SYNPO2: variants seen among roughly 807,000 people sequenced by gnomAD.
The protein encoded by SYNPO2 is synaptopodin 2.
In SYNPO2, 56 loss-of-function variants were observed where a neutral mutation model predicts 85.0. That is an observed-to-expected ratio of 0.66 (90% confidence interval 0.53 to 0.82). The LOEUF (loss-of-function observed/expected upper bound fraction) is 0.82. SYNPO2 is among the 40% of genes least tolerant of loss of function. SYNPO2 has a pLI of 0.00. For synonymous variants in SYNPO2, 602 were observed against 591.1 expected (o/e 1.02, Z -0.27); for missense variants, 1,575 against 1,534.2 (o/e 1.03, Z -0.44).
chr4:118,952,871 C>T (rs948891267), intron 1 of SYNPO2, among the ~76,000 whole-genome samples: 7 of 152,116 alleles, frequency 4.6e-5, no homozygotes, highest in South Asian at 4.2e-4. Context: ...ATAACAACCT[C>T]GGAAGGAATT....
chr4:118,946,581 G>A (rs572017008), intron 1 of SYNPO2, among the ~76,000 whole-genome samples: 1 of 152,134 alleles, frequency 6.6e-6, no homozygotes. Flanking sequence ...CACATCGTTC[G>A]CTCGTTCTCT....
chr4:119,036,746 A>T (rs1738527367), intron 4 of SYNPO2: 4 of 988,638 alleles, frequency 4.0e-6, no homozygotes, highest in Non-Finnish European at 4.8e-6. Context: ...TAATTTTTTT[A>T]AAAACTGTAT....
intron 4 of SYNPO2, chr4:119,033,775 G>A (rs1738381472): frequency 1.0e-6 from 1 of 984,528 alleles, no homozygotes; most frequent in African/African-American, 1.7e-5. Context: ...CCTTGTATGA[G>A]CTATTCTGAT....
At chr4:118,956,343 GA>G (rs950935311) in intron 1 of SYNPO2, among the ~76,000 whole-genome samples, 16 of 152,190 alleles carry the variant, frequency 1.1e-4, no homozygotes, top group Non-Finnish European at 1.8e-4. Flanking sequence ...GGGTATTAAT[GA>G]AGGAAATGGT....
intron 1 of SYNPO2, among the ~76,000 whole-genome samples, chr4:118,967,963 A>G (rs1735380251): frequency 6.6e-6 from 1 of 152,240 alleles, no homozygotes; most frequent in Non-Finnish European, 1.5e-5. Flanking sequence ...ATTCTATAAA[A>G]TGTCTAACTA....
At chr4:118,894,804 G>A (rs1304919878) in intron 1 of SYNPO2, among the ~76,000 whole-genome samples, 2 of 150,238 alleles carry the variant, frequency 1.3e-5, no homozygotes, top group Admixed American at 1.3e-4. Context: ...ATAGCAAAAA[G>A]CATCCCAGGT....
chr4:119,043,277 T>C, intron 4 of SYNPO2: 1 of 152,190 alleles, frequency 6.6e-6, no homozygotes, highest in Non-Finnish European at 1.5e-5. Context: ...TGTGTATTGA[T>C]GAGGGCCTAT....
intron 4 of SYNPO2, among the ~76,000 whole-genome samples, chr4:119,047,765 G>T (rs2149199194): frequency 6.6e-6 from 1 of 152,280 alleles, no homozygotes; most frequent in Non-Finnish European, 1.5e-5. Context: ...ATTTTTTCCA[G>T]TGTTGAACTG....
At chr4:118,904,619 T>G (rs1010888596) in intron 1 of SYNPO2, among the ~76,000 whole-genome samples, 5 of 152,198 alleles carry the variant, frequency 3.3e-5, no homozygotes, top group African/African-American at 1.2e-4. Context: ...AATGAGGATT[T>G]TGTTCCCTCC....
chr4:118,858,106 C>G (rs1161845914), intron 1 of SYNPO2, among the ~76,000 whole-genome samples: 1 of 152,150 alleles, frequency 6.6e-6, no homozygotes, highest in Admixed American at 6.5e-5. Flanking sequence ...CTGTAGCCTC[C>G]TTTACAATCC....
chr4:118,988,157 G>C (rs1300336309), intron 1 of SYNPO2, among the ~76,000 whole-genome samples: 1 of 152,090 alleles, frequency 6.6e-6, no homozygotes, highest in Non-Finnish European at 1.5e-5. Context: ...AATAGCTAGA[G>C]CAAATATTGC....
At chr4:118,874,770 A>G (rs1166655298) in intron 1 of SYNPO2, among the ~76,000 whole-genome samples, 1 of 152,242 alleles carries the variant, frequency 6.6e-6, no homozygotes, top group Non-Finnish European at 1.5e-5. Flanking sequence ...TGAGAAAAAA[A>G]ACAAAAATTT....
chr4:119,052,160 T>G (rs1739072064), intron 4 of SYNPO2, among the ~76,000 whole-genome samples: 1 of 152,208 alleles, frequency 6.6e-6, no homozygotes, highest in Non-Finnish European at 1.5e-5. Context: ...CAAACTGTTC[T>G]GGCACAGAAC....
chr4:118,854,109 A>G (rs1386771006), intron 1 of SYNPO2, among the ~76,000 whole-genome samples: 1 of 152,250 alleles, frequency 6.6e-6, no homozygotes, highest in Non-Finnish European at 1.5e-5. Context: ...TAAAAGTGTC[A>G]CTTAGAAAAA....
intron 1 of SYNPO2, among the ~76,000 whole-genome samples, chr4:118,960,938 A>G (rs1451146416): frequency 4.6e-5 from 7 of 152,010 alleles, no homozygotes; most frequent in Non-Finnish European, 8.8e-5. Flanking sequence ...CTCCCTGCCA[A>G]AATTTCCTCT....
At chr4:119,036,644 T>C (rs2149194700) in intron 4 of SYNPO2, 5 of 985,488 alleles carry the variant, frequency 5.1e-6, no homozygotes, top group African/African-American at 3.5e-5. Flanking sequence ...GGTCATCCTA[T>C]GAGCGTCATG....
At chr4:119,006,918 C>T (rs1737051888) in intron 1 of SYNPO2, among the ~76,000 whole-genome samples, 2 of 151,772 alleles carry the variant, frequency 1.3e-5, no homozygotes, top group South Asian at 4.1e-4. Flanking sequence ...TGTGACCATC[C>T]TAAATTACCT....
intron 1 of SYNPO2, among the ~76,000 whole-genome samples, chr4:118,863,861 C>G (rs535997978): frequency 1.3e-5 from 2 of 152,318 alleles, no homozygotes; most frequent in Admixed American, 1.3e-4. Context: ...CCCGCTTCAG[C>G]CTCCCAAAAT....
At chr4:118,871,854 C>T (rs1159442563) in intron 1 of SYNPO2, among the ~76,000 whole-genome samples, 2 of 152,196 alleles carry the variant, frequency 1.3e-5, no homozygotes, top group Non-Finnish European at 2.9e-5. Context: ...CAGGCGTGAG[C>T]CACCGCACCT....
Sources: gnomAD v4.1 joint callset for allele counts (sites outside exome capture counted in the v4.1 genomes callset) on GRCh38, gnomAD v4.1.1 for gene constraint, MANE v1.5 for transcripts, NCBI Gene and HGNC (gene_info 2026-07-23, HGNC 2026-07-21) for gene names.